MED17: variants seen among roughly 807,000 people sequenced by gnomAD.
The protein encoded by MED17 is mediator complex subunit 17.
In MED17, 49 loss-of-function variants were observed where a neutral mutation model predicts 80.8. The ratio of observed to expected loss-of-function variants is 0.61; its 90% CI spans 0.48 to 0.77. MED17 has a LOEUF of 0.77. Ranked by LOEUF, MED17 falls within the 30% of genes least tolerant of loss-of-function variation. The pLI is 0.00. For synonymous variants in MED17, 281 were observed against 280.4 expected, an observed-to-expected ratio of 1.00 and a Z score of -0.02; for missense variants, 718 against 787.0, an observed-to-expected ratio of 0.91 and a Z score of 1.05.
chr11:93,784,415 G>C lies in MED17; in HGVS notation c.-99G>C. 1 of 1,452,954 alleles carries C rather than the reference G, an allele frequency of 6.9e-7. No individual in the cohort carries two copies. Among genetic ancestry groups the C allele is most frequent in the Non-Finnish European group, 9.1e-7 (1 of 1,096,738 alleles). The allele number at this position is 1,452,954 out of a possible 1,614,324, so 90.0% of individuals were successfully genotyped here. ...GGGTCTTCTGAGGCACCGCGGCTGC[G>C]GGCTTCTGAGTTCCCGGCTCTCCGC... On this transcript the variant is annotated 5_prime_UTR_variant, in exon 1 of 12. Coordinates refer to ENST00000251871, the MANE Select transcript of MED17 (RefSeq NM_004268.5).
chr11:93,811,701 A>G (rs897446300), intron 11 of MED17, 152 bp from the exon 12 acceptor site: 2 of 651,708 alleles, frequency 3.1e-6, no homozygotes, highest in Non-Finnish European at 5.4e-6. Flanking sequence ...TTTCTCTTGC[A>G]TGTTGAAACT....
In MED17 at chr11:93,809,883, T is replaced by C; in HGVS notation, c.1744+7T>C. ...GGTGACTATGCTATTTCAGGTACTTTCTGCTGCTTTGAATGAGAAGGGACC... is the reference window on the plus strand; with the variant it reads ...GGTGACTATGCTATTTCAGGTACTTCCTGCTGCTTTGAATGAGAAGGGACC... On this transcript the variant is annotated splice_region_variant and intron_variant, in intron 11 of 11. Coordinates refer to ENST00000251871, the MANE Select transcript of MED17 (RefSeq NM_004268.5). 1 of 1,614,210 alleles carries C rather than the reference T, an allele frequency of 6.2e-7. No homozygotes were observed.
At chr11:93,811,460 C>CAGGAAGATCATCTGAGGTT in intron 11 of MED17, 1 of 221,572 alleles carries the variant, frequency 4.5e-6, no homozygotes, top group Non-Finnish European at 9.0e-6. Flanking sequence ...TGCTTGAGCC[C>CAGGAAGATCATCTGAGGTT]AGGAGTTTGA....
intron 11 of MED17, chr11:93,810,275 T>G: frequency 6.5e-6 from 1 of 154,884 alleles, no homozygotes; most frequent in Admixed American, 6.4e-5. Context: ...TACTACTTTT[T>G]TCACATTAAA....
At position 93,790,712 on chromosome 11, in the gene MED17, G is replaced by A; in HGVS notation, c.556G>A (p.Glu186Lys). Residue 186 changes from glutamate (E) to lysine (K), a missense_variant, in exon 3 of 12, where the codon GAG becomes AAG. Glu to Lys is a moderately conservative substitution (Grantham distance 56). Transcript: ENST00000251871. ...CAAGCTACAAAGAGACTTCAATTCT[G>A]AGCTTTTGCGATTACGGCAACACTG... ...ENKLQRDFNSELLRLRQHWKL... is the reference protein window; with the variant it reads ...ENKLQRDFNSKLLRLRQHWKL... 1 of 1,614,232 alleles carries A rather than the reference G, an allele frequency of 6.2e-7. No homozygotes were observed. The highest frequency in any genetic ancestry group is 8.5e-7 in the Non-Finnish European group (1 of 1,180,038).
intron 2 of MED17, 145 bp from the exon 3 acceptor site, chr11:93,790,429 G>T (rs949164261): frequency 1.1e-5 from 8 of 735,146 alleles, no homozygotes; most frequent in Middle Eastern, 4.8e-4. Flanking sequence ...ATAGGTTAAG[G>T]TTATTATTTT....
chr11:93,814,237 G>A lies in MED17; in HGVS notation c.*2173G>A, dbSNP rs1252136810. Reference sequence around the variant, plus strand: ...TCCCTGTTTGGTACGTCGCTGTAGTGAGTAGCCAGTACCGACCTAAAGAAT... The same window carrying A: ...TCCCTGTTTGGTACGTCGCTGTAGTAAGTAGCCAGTACCGACCTAAAGAAT... On this transcript the variant is annotated 3_prime_UTR_variant, in exon 12 of 12. Transcript: ENST00000251871. 6.6e-6 allele frequency: 1 copy of A among 152,166 alleles called. No homozygotes were observed. 9.4% of individuals were successfully genotyped at this position (152,166 alleles called of 1,614,324 possible). A position where few individuals can be genotyped will look rare whatever the true frequency, so the allele number is the denominator to read the frequency against.
At chr11:93,799,985 G>A (rs1370327314) in intron 8 of MED17, among the ~76,000 whole-genome samples, 2 of 152,112 alleles carry the variant, frequency 1.3e-5, no homozygotes, top group South Asian at 2.1e-4. Flanking sequence ...ATTTAATATT[G>A]TATTGTAAAT....
chr11:93,798,564 A>G (rs987187371), intron 8 of MED17, among the ~76,000 whole-genome samples: 2 of 152,122 alleles, frequency 1.3e-5, no homozygotes, highest in Non-Finnish European at 2.9e-5. Flanking sequence ...AGCTTTTAGT[A>G]AAAGGAATTG....
intron 10 of MED17, chr11:93,809,252 CA>C (rs757164054): frequency 7.2e-6 from 2 of 277,430 alleles, no homozygotes; most frequent in Non-Finnish European, 7.1e-6. Context: ...GGGAGGGTGC[CA>C]GGGGAATAAA....
At chr11:93,808,059 A>G in intron 10 of MED17, 1 of 232,764 alleles carries the variant, frequency 4.3e-6, no homozygotes, top group Non-Finnish European at 8.5e-6. Context: ...TCCAAGGGGC[A>G]GTATAGAAAG....
Position 93,811,799 on chromosome 11 carries a change from T to C in MED17, c.1745-54T>C, listed in dbSNP as rs745769702. The C allele has an allele frequency of 2.2e-4, 316 of 1,430,788 alleles. 2 individuals carry two copies. In the Middle Eastern group the frequency reaches 0.011, roughly 50 times the overall value. The allele number at this position is 1,430,788 out of a possible 1,614,324, so 88.6% of individuals were successfully genotyped here. A position where few individuals can be genotyped will look rare whatever the true frequency, so the allele number is the denominator to read the frequency against. ...AATGGAGTTGTGGGATTTATCCTTGTTATTTCTAGTTTGGTAAACTAGAGT... is the reference window on the plus strand; with the variant it reads ...AATGGAGTTGTGGGATTTATCCTTGCTATTTCTAGTTTGGTAAACTAGAGT... On this transcript the variant is annotated intron_variant, in intron 11 of 11. Coordinates refer to ENST00000251871, the MANE Select transcript of MED17 (RefSeq NM_004268.5).
Position 93,784,756 on chromosome 11 carries a change from C to T in MED17, c.243C>T (p.Asp81=), listed in dbSNP as rs748497101. 6 of 1,539,746 alleles carry T rather than the reference C, an allele frequency of 3.9e-6. No homozygotes were observed. The highest frequency in any genetic ancestry group is 1.2e-5 in the South Asian group (1 of 84,258). Residue 81 remains aspartate, a synonymous_variant, in exon 1 of 12, where the codon GAC becomes GAT. Coordinates refer to ENST00000251871, the MANE Select transcript of MED17 (RefSeq NM_004268.5). ...CCGGGTCCAGCGCAGACCAGGACGA[C>T]GAGGAAGGTAAGGCCTGCATCCGCT... ...PGAGSSADQD[D]EEGVVKFQPS... is the part of the protein sequence containing the mutation.
intron 9 of MED17, chr11:93,807,134 G>A (rs918514985): frequency 5.8e-5 from 11 of 188,444 alleles, no homozygotes; most frequent in South Asian, 2.0e-4. Context: ...TTTTTTGGCC[G>A]GGTGCAGTGG....
chr11:93,799,891 A>G (rs1943943824), intron 8 of MED17, among the ~76,000 whole-genome samples: 1 of 152,218 alleles, frequency 6.6e-6, no homozygotes, highest in Admixed American at 6.5e-5. Context: ...TTAAAGAAAA[A>G]TCGGAGTTTA....
intron 6 of MED17, 169 bp from the exon 7 acceptor site, chr11:93,796,241 G>A (rs1037240770): frequency 7.4e-6 from 5 of 678,218 alleles, no homozygotes; most frequent in East Asian, 3.0e-5. Context: ...GTGAGCCACC[G>A]CACCCGGCCA....
rs371828186 is a variant in MED17 at position 93,784,604 on chromosome 11, C to G, written c.91C>G (p.Leu31Val). Residue 31 changes from leucine to valine, a missense_variant, in exon 1 of 12, where the codon CTG (leucine) becomes GTG (valine). By Grantham distance (32) the Leu-to-Val change is conservative (BLOSUM62 1). Transcript: ENST00000251871. Reference sequence around the variant, plus strand: ...GGGCCTGGATGGCACCGAGACGTACCTGCCCCCGCTGTCCATGTCGCAGAA... The same window carrying G: ...GGGCCTGGATGGCACCGAGACGTACGTGCCCCCGCTGTCCATGTCGCAGAA... ...EVGLDGTETY[L>V]PPLSMSQNLA... The G allele has an allele frequency of 6.2e-7, 1 of 1,603,028 alleles. No individual in the cohort carries two copies. Among genetic ancestry groups the G allele is most frequent in the East Asian group, 2.2e-5 (1 of 44,490 alleles).
intron 9 of MED17, 33 bp from the exon 10 acceptor site, chr11:93,807,485 C>T (rs1200008526): frequency 1.8e-6 from 2 of 1,081,938 alleles, no homozygotes; most frequent in Admixed American, 3.4e-5. Flanking sequence ...TAATTTTGAA[C>T]ATCTCTGATT....
chr11:93,790,642 G>A lies in MED17; in HGVS notation c.486G>A (p.Lys162=). Residue 162 remains lysine (K), a synonymous_variant, in exon 3 of 12, where the codon AAG becomes AAA. Transcript: ENST00000251871. The part of the protein sequence containing the change: ...SLAGAAQILL[K]GAERLTKSVT... ...CTGGAGCAGCACAAATCTTATTGAA[G>A]GGGGCAGAAAGACTGACTAAATCAG... is the stretch of plus-strand genomic sequence containing the variant. 1 of 1,614,170 alleles carries A rather than the reference G, an allele frequency of 6.2e-7. No individual in the cohort carries two copies. The highest frequency in any genetic ancestry group is 8.5e-7 in the Non-Finnish European group (1 of 1,180,024).
Sources: gnomAD v4.1 joint callset for allele counts (sites outside exome capture counted in the v4.1 genomes callset) on GRCh38, gnomAD v4.1.1 for gene constraint, MANE v1.5 for transcripts, NCBI Gene and HGNC (gene_info 2026-07-23, HGNC 2026-07-21) for gene names.